The following ABCC4 variants were observed in gnomAD, a reference collection of about 807,000 sequenced individuals.
ABCC4 encodes the protein ATP binding cassette subfamily C member 4 (PEL blood group).
ABCC4 carries 102 observed loss-of-function variants against 168.5 expected under a neutral mutation model. The ratio of observed to expected loss-of-function variants is 0.61; its 90% CI spans 0.52 to 0.71. ABCC4 has a LOEUF of 0.71. Ranked by LOEUF, ABCC4 falls within the 30% of genes least tolerant of loss-of-function variation. The pLI is 0.00. For synonymous variants in ABCC4, 617 were observed against 590.7 expected, an observed-to-expected ratio of 1.04 and a Z score of -0.65; for missense variants, 1,402 against 1,605.8, an observed-to-expected ratio of 0.87 and a Z score of 2.17.
At chr13:95,267,186 A>T (rs1274815405) in intron 1 of ABCC4, among the ~76,000 whole-genome samples, 1 of 151,880 alleles carries the variant, frequency 6.6e-6, no homozygotes, top group Non-Finnish European at 1.5e-5. Flanking sequence ...CTGGCCATCA[A>T]ATCTCATCTT....
chr13:95,268,869 C>T (rs963107168), intron 1 of ABCC4, among the ~76,000 whole-genome samples: 12 of 152,038 alleles, frequency 7.9e-5, no homozygotes, highest in East Asian at 1.9e-4. Context: ...GCGGGTTCTC[C>T]GTATTCTGAG....
At chr13:95,183,312 C>A (rs2037957870) in intron 11 of ABCC4, among the ~76,000 whole-genome samples, 1 of 152,138 alleles carries the variant, frequency 6.6e-6, no homozygotes. Context: ...ACGCTCAGGA[C>A]CATTTCTGTC....
At chr13:95,246,592 A>G (rs759283227) in intron 3 of ABCC4, among the ~76,000 whole-genome samples, 31 of 152,194 alleles carry the variant, frequency 2.0e-4, no homozygotes, top group Non-Finnish European at 3.7e-4. Flanking sequence ...TCTAAACCAC[A>G]GGGCACGCAC....
Position 95,071,684 on chromosome 13 carries a change from G to A in ABCC4, c.3188C>T (p.Ala1063Val). Residue 1063 changes from alanine (A) to valine (V), a missense_variant, in exon 25 of 31, where the codon GCA (alanine) becomes GTA (valine). This residue lies in a region of ABCC4 where 1,007 missense variants were observed against 1,127.3 expected (regional missense o/e 0.89). Transcript: ENST00000645237. ...AACCTTTTCTTGTGATTTAATGAGT[G>A]CTGTCAGATGCTTCAGTACCAGAGG... Reference protein sequence around the residue: ...GGPLVLKHLTALIKSQEKVGI... With the variant: ...GGPLVLKHLTVLIKSQEKVGI... The A allele has an allele frequency of 6.7e-7, 1 of 1,497,154 alleles. No individual in the cohort carries two copies. The highest frequency in any genetic ancestry group is 2.5e-5 in the East Asian group (1 of 40,418). 92.7% of individuals were successfully genotyped at this position (1,497,154 alleles called of 1,614,324 possible).
intron 4 of ABCC4, among the ~76,000 whole-genome samples, chr13:95,223,786 G>A (rs564717225): frequency 2.2e-4 from 34 of 152,242 alleles, no homozygotes; most frequent in Admixed American, 1.3e-4. Flanking sequence ...ACATGCCACC[G>A]TGCCTGGCCA....
chr13:95,233,349 C>A (rs2039677447), intron 4 of ABCC4, among the ~76,000 whole-genome samples: 1 of 149,888 alleles, frequency 6.7e-6, no homozygotes, highest in Non-Finnish European at 1.5e-5. Context: ...TCCTTTGCAG[C>A]CACGTGGATG....
intron 1 of ABCC4, among the ~76,000 whole-genome samples, chr13:95,275,505 T>C (rs9524875): frequency 0.8 from 121,375 of 152,096 alleles, 49,528 homozygotes; most frequent in Non-Finnish European, 0.88. Context: ...CCCCATCCCC[T>C]TGTTGGCTTT....
intron 30 of ABCC4, among the ~76,000 whole-genome samples, chr13:95,029,201 TATATATATATATAGAGAGAGAG>T (rs1566355359): frequency 3.6e-4 from 24 of 66,342 alleles, no homozygotes; most frequent in African/African-American, 1.5e-3. Context: ...TATATATATA[TATATATATATATAGAGAGAGAG>T]AGAGAGAGAG....
chr13:95,037,571 C>A (rs1566362223), intron 29 of ABCC4, among the ~76,000 whole-genome samples: 1 of 152,302 alleles, frequency 6.6e-6, no homozygotes, highest in East Asian at 1.9e-4. Flanking sequence ...GGGATTTGAA[C>A]CCGGGTGTAA....
chr13:95,232,591 C>T (rs559712072), intron 4 of ABCC4, among the ~76,000 whole-genome samples: 7 of 151,778 alleles, frequency 4.6e-5, no homozygotes, highest in African/African-American at 1.5e-4. Flanking sequence ...GCAGAAGAAT[C>T]GCTTGAACCC....
At chr13:95,178,687 C>A (rs1328885593) in intron 11 of ABCC4, among the ~76,000 whole-genome samples, 1 of 151,996 alleles carries the variant, frequency 6.6e-6, no homozygotes, top group Non-Finnish European at 1.5e-5. Context: ...TGGATGCACA[C>A]GGAACTGCGA....
chr13:95,270,098 C>T (rs1244748450), intron 1 of ABCC4, among the ~76,000 whole-genome samples: 1 of 151,970 alleles, frequency 6.6e-6, no homozygotes, highest in African/African-American at 2.4e-5. Context: ...CCAGAAAATC[C>T]ACATTTGTAT....
intron 29 of ABCC4, among the ~76,000 whole-genome samples, chr13:95,041,784 A>G (rs2032372613): frequency 6.6e-6 from 1 of 152,222 alleles, no homozygotes; most frequent in African/African-American, 2.4e-5. Context: ...GATGATCAGA[A>G]GCTCTAGAAT....
At chr13:95,254,370 A>G (rs2040343042) in intron 1 of ABCC4, among the ~76,000 whole-genome samples, 1 of 151,624 alleles carries the variant, frequency 6.6e-6, no homozygotes, top group Non-Finnish European at 1.5e-5. Flanking sequence ...TGCTTAAAAA[A>G]AAACACAAAA....
intron 1 of ABCC4, among the ~76,000 whole-genome samples, chr13:95,286,160 C>T (rs555105633): frequency 5.5e-5 from 6 of 108,386 alleles, no homozygotes; most frequent in Non-Finnish European, 9.3e-5. Flanking sequence ...CACTCTGTCA[C>T]CCAGGCTGGA....
chr13:95,207,026 CA>C (rs10597066), intron 7 of ABCC4, among the ~76,000 whole-genome samples: 468 of 151,218 alleles, frequency 3.1e-3, no homozygotes, highest in Middle Eastern at 0.01. Context: ...ATCCAAAAGC[CA>C]AAAAAAAAAT....
chr13:95,190,398 C>T (rs1261756338), intron 9 of ABCC4, among the ~76,000 whole-genome samples: 3 of 152,126 alleles, frequency 2.0e-5, no homozygotes, highest in Non-Finnish European at 4.4e-5. Context: ...ATTACTTTTA[C>T]AAAGAGCTTC....
chr13:95,041,979 C>G (rs1218270759), intron 29 of ABCC4, among the ~76,000 whole-genome samples: 2 of 152,188 alleles, frequency 1.3e-5, no homozygotes, highest in Admixed American at 1.3e-4. Flanking sequence ...TAAATTTATA[C>G]CTCCTGGTAG....
intron 4 of ABCC4, among the ~76,000 whole-genome samples, chr13:95,227,263 A>G (rs2039491783): frequency 6.6e-6 from 1 of 152,220 alleles, no homozygotes; most frequent in Non-Finnish European, 1.5e-5. Context: ...ACTCCAAGCT[A>G]TGGAAAGTTA....
Sources: allele counts gnomAD v4.1 joint callset (sites outside exome capture counted in the v4.1 genomes callset), GRCh38; gene constraint gnomAD v4.1.1; regional missense constraint gnomAD v4.1.1; transcripts MANE v1.5; gene names NCBI Gene and HGNC (gene_info 2026-07-23, HGNC 2026-07-21).